Variants in PPP2R3A observed in about 807,000 individuals in gnomAD.
PPP2R3A encodes protein phosphatase 2 regulatory subunit B''alpha.
Under a neutral mutation model 106.9 loss-of-function variants are expected in PPP2R3A, and 80 were observed. The ratio of observed to expected loss-of-function variants is 0.75; its 90% CI spans 0.62 to 0.90. The LOEUF (loss-of-function observed/expected upper bound fraction) is 0.90. Among genes scored for constraint, PPP2R3A ranks in the 40% least tolerant of loss-of-function variants. The pLI is 0.00. For synonymous variants in PPP2R3A, 483 were observed against 468.3 expected, an observed-to-expected ratio of 1.03 and a Z score of -0.41; for missense variants, 1,386 against 1,350.4, an observed-to-expected ratio of 1.03 and a Z score of -0.41.
chr3:136,023,352 C>G (rs1934531373), intron 2 of PPP2R3A: 1 of 698,084 alleles, frequency 1.4e-6, no homozygotes, highest in Non-Finnish European at 2.3e-6. Context: ...TGTGTGTCCT[C>G]TATTCAGCTA....
At chr3:136,132,300 C>T (rs1227137355) in intron 13 of PPP2R3A, among the ~76,000 whole-genome samples, 2 of 152,040 alleles carry the variant, frequency 1.3e-5, no homozygotes, top group African/African-American at 2.4e-5. Context: ...TTTTTAAAGG[C>T]ATTCAGATTG....
chr3:136,145,216 C>T lies in PPP2R3A; in HGVS notation c.*50C>T. 6.4e-7 allele frequency: 1 copy of T among 1,564,242 alleles called. No individual in the cohort carries two copies. The highest frequency in any genetic ancestry group is 8.6e-7 in the Non-Finnish European group (1 of 1,157,590). ...AGATGTGTATTTTAAATGTTTCTTTCTTGTGAAGAGATGTTCTCGTTTGCA... is the reference window on the plus strand; with the variant it reads ...AGATGTGTATTTTAAATGTTTCTTTTTTGTGAAGAGATGTTCTCGTTTGCA... On this transcript the variant is annotated 3_prime_UTR_variant, in exon 14 of 14. Transcript: ENST00000264977.
intron 10 of PPP2R3A, among the ~76,000 whole-genome samples, chr3:136,091,270 T>TG (rs796823298): frequency 2.6e-5 from 4 of 152,310 alleles, no homozygotes; most frequent in African/African-American, 9.6e-5. Flanking sequence ...TGATGGTACT[T>TG]GCAGGTACAG....
intron 8 of PPP2R3A, chr3:136,087,557 A>C (rs936914447): frequency 5.2e-6 from 1 of 193,606 alleles, no homozygotes; most frequent in Non-Finnish European, 1.0e-5. Flanking sequence ...TTTAAGGATA[A>C]AACTTGTCTT....
intron 3 of PPP2R3A, among the ~76,000 whole-genome samples, chr3:136,036,162 T>G (rs966418818): frequency 3.9e-5 from 6 of 152,166 alleles, no homozygotes; most frequent in Admixed American, 2.6e-4. Flanking sequence ...GGCTTTGCCT[T>G]TCTCTGGTGC....
At chr3:135,970,101 TTTAC>T (rs1274949766) in intron 1 of PPP2R3A, among the ~76,000 whole-genome samples, 1 of 152,214 alleles carries the variant, frequency 6.6e-6, no homozygotes. Context: ...TCTTTTTCTG[TTTAC>T]TTGATCTGAT....
intron 8 of PPP2R3A, among the ~76,000 whole-genome samples, chr3:136,087,287 C>CTCTCTCTCTT (rs1936971692): frequency 6.7e-6 from 1 of 149,284 alleles, no homozygotes; most frequent in South Asian, 2.1e-4. Flanking sequence ...CTCTCTCTCT[C>CTCTCTCTCTT]TCTCTCTCTC....
At chr3:136,113,418 G>C in intron 13 of PPP2R3A, among the ~76,000 whole-genome samples, 1 of 152,152 alleles carries the variant, frequency 6.6e-6, no homozygotes, top group Non-Finnish European at 1.5e-5. Context: ...AATGGTGCTG[G>C]CTAATCATAT....
At position 136,102,071 on chromosome 3, in the gene PPP2R3A, G is replaced by A; in HGVS notation, c.2992G>A (p.Glu998Lys). Residue 998 changes from glutamate (E) to lysine (K), a missense_variant, in exon 11 of 14, where the codon GAG (glutamate) becomes AAG (lysine). Glu to Lys is a moderately conservative substitution (Grantham distance 56). Transcript: ENST00000264977. ...GDGVLSMYEL[E>K]YFYEEQCERM... ...CGGTGTACTCTCCATGTATGAGCTG[G>A]AGTACTTCTATGAGGAGCAGTGTGA... The A allele has an allele frequency of 6.2e-7, 1 of 1,614,086 alleles. No individual in the cohort carries two copies. Among genetic ancestry groups the A allele is most frequent in the Non-Finnish European group, 8.5e-7 (1 of 1,180,000 alleles).
intron 13 of PPP2R3A, among the ~76,000 whole-genome samples, chr3:136,133,432 G>A (rs751331936): frequency 1.3e-5 from 2 of 152,104 alleles, no homozygotes; most frequent in Non-Finnish European, 2.9e-5. Context: ...TAAAACCTCA[G>A]TGAGATATAC....
intron 13 of PPP2R3A, among the ~76,000 whole-genome samples, chr3:136,130,637 T>G (rs188472420): frequency 4.6e-5 from 7 of 152,320 alleles, no homozygotes; most frequent in Non-Finnish European, 1.0e-4. Context: ...AATGACTTTC[T>G]TCACAAAATT....
chr3:136,109,540 G>A (rs1937564375), intron 13 of PPP2R3A, among the ~76,000 whole-genome samples: 1 of 152,142 alleles, frequency 6.6e-6, no homozygotes, highest in Non-Finnish European at 1.5e-5. Flanking sequence ...ATTACTTGAA[G>A]ACACAGTAAA....
chr3:136,039,621 G>A (rs972647864), intron 3 of PPP2R3A, among the ~76,000 whole-genome samples: 4 of 152,146 alleles, frequency 2.6e-5, no homozygotes, highest in African/African-American at 9.7e-5. Flanking sequence ...CCACTGATCT[G>A]ACAGGAGGTG....
At chr3:136,126,810 A>C (rs1271790835) in intron 13 of PPP2R3A, among the ~76,000 whole-genome samples, 3 of 152,188 alleles carry the variant, frequency 2.0e-5, no homozygotes, top group Non-Finnish European at 4.4e-5. Context: ...TCAGGCAGCA[A>C]TATTTGCCAA....
chr3:136,048,672 C>CA (rs751559512), intron 4 of PPP2R3A, among the ~76,000 whole-genome samples: 4,894 of 82,440 alleles, frequency 0.059, 241 homozygotes, highest in African/African-American at 0.18. Context: ...AACTCCGTCT[C>CA]AAAAAAAAAA....
At position 136,070,521 on chromosome 3, in the gene PPP2R3A, C is replaced by T; in HGVS notation, c.2513C>T (p.Ala838Val). 2 of 1,611,372 alleles carry T rather than the reference C, an allele frequency of 1.2e-6. No homozygotes were observed. The highest frequency in any genetic ancestry group is 1.7e-6 in the Non-Finnish European group (2 of 1,179,086). The stretch of plus-strand genomic sequence containing the variant: ...CCTGGTCTCACGTTCCTGAAAGATG[C>T]TCCAGAATTCCACTCCCGCTACATC... The part of the protein sequence containing the change: ...THPGLTFLKD[A>V]PEFHSRYITT... The change falls in exon 6 of 14, where the codon GCT becomes GTT. Residue 838 changes from alanine (A) to valine (V), a missense_variant. Coordinates refer to ENST00000264977, the MANE Select transcript of PPP2R3A (RefSeq NM_002718.5).
intron 6 of PPP2R3A, 76 bp from the exon 7 acceptor site, chr3:136,078,291 T>G: frequency 1.0e-6 from 1 of 986,654 alleles, no homozygotes; most frequent in Non-Finnish European, 1.6e-6. Context: ...CCCAAGTATG[T>G]TCATAAAATG....
chr3:135,978,557 G>A (rs1937483729), intron 1 of PPP2R3A, among the ~76,000 whole-genome samples: 1 of 151,266 alleles, frequency 6.6e-6, no homozygotes, highest in South Asian at 2.1e-4. Context: ...TTGAAAATGT[G>A]AAGAAGAAAA....
intron 3 of PPP2R3A, among the ~76,000 whole-genome samples, chr3:136,030,220 TA>T: frequency 7.9e-6 from 1 of 126,930 alleles, no homozygotes; most frequent in Non-Finnish European, 1.6e-5. Context: ...CCTGTCTCAA[TA>T]AAAAGTTGGG....
Sources: allele counts gnomAD v4.1 joint callset (sites outside exome capture counted in the v4.1 genomes callset), GRCh38; gene constraint gnomAD v4.1.1; transcripts MANE v1.5; gene names NCBI Gene and HGNC (gene_info 2026-07-23, HGNC 2026-07-21).